FBXO38: variants seen among roughly 807,000 people sequenced by gnomAD.
FBXO38 encodes the protein F-box only protein 38.
A neutral mutation model predicts 131.9 loss-of-function variants in FBXO38; 53 were observed. The observed-to-expected ratio is 0.40, with a 90% CI of 0.32 to 0.51. The LOEUF is 0.51. FBXO38 is among the 20% of genes least tolerant of loss of function. FBXO38 has a pLI of 0.53. For synonymous variants in FBXO38, 452 were observed against 505.6 expected (o/e 0.89, Z 1.42); for missense variants, 1,076 against 1,475.6 (o/e 0.73, Z 4.44).
In FBXO38 at chr5:148,420,640, TTCCCTCA is replaced by T. The variant is rs554526098; in HGVS notation, c.1619-3351_1619-3345del. Among the ~76,000 whole-genome samples the T allele has an allele frequency of 1.8e-4, 28 of 152,318 alleles. No homozygotes were observed. The South Asian group carries it at 4.1e-3, about 23-fold the overall frequency. ...CTTAATGCTTTTAAATACAGCGTCA[TTCCCTCA>T]TCCCTCCACCCCATTAGCCTGAATT... On this transcript the variant is annotated intron_variant, in intron 12 of 21. Coordinates refer to ENST00000340253, the MANE Select transcript of FBXO38 (RefSeq NM_205836.3).
chr5:148,401,246 T>TC (rs550629322), intron 3 of FBXO38, among the ~76,000 whole-genome samples: 56 of 152,282 alleles, frequency 3.7e-4, no homozygotes, highest in Admixed American at 1.1e-3. Flanking sequence ...TCTCCCCACT[T>TC]ACTTAACCAA....
intron 10 of FBXO38, among the ~76,000 whole-genome samples, chr5:148,415,002 G>C (rs1338932843): frequency 6.6e-6 from 1 of 152,068 alleles, no homozygotes; most frequent in East Asian, 1.9e-4. Flanking sequence ...CACTTGACCG[G>C]GATCTGTATC....
At chr5:148,424,231 T>A in intron 13 of FBXO38, 114 bp downstream of exon 13, 1 of 1,018,620 alleles carries the variant, frequency 9.8e-7, no homozygotes, top group African/African-American at 1.6e-5. Context: ...ATGATACGTT[T>A]TATGCTATTG....
chr5:148,433,603 CT>C (rs758644194), intron 16 of FBXO38, 31 bp from the exon 17 acceptor site: 64 of 1,560,062 alleles, frequency 4.1e-5, no homozygotes, highest in Non-Finnish European at 5.0e-5. Flanking sequence ...AAGTTTGTAT[CT>C]TTATATAGTT....
At position 148,413,982 on chromosome 5, in the gene FBXO38, C is replaced by T. The variant is rs1752913205; in HGVS notation, c.1094-154C>T. 8.8e-6 allele frequency: 5 copies of T among 566,420 alleles called. No individual in the cohort carries two copies. In the South Asian group the frequency reaches 1.3e-4, roughly 15 times the overall value. 35.1% of individuals were successfully genotyped at this position (566,420 alleles called of 1,614,324 possible). A position where few individuals can be genotyped will look rare whatever the true frequency, so the allele number is the denominator to read the frequency against. On this transcript the variant is annotated intron_variant, in intron 9 of 21. Coordinates refer to ENST00000340253, the MANE Select transcript of FBXO38 (RefSeq NM_205836.3). The stretch of plus-strand genomic sequence containing the variant: ...AAGTGCTACCATATGTACGGAATAC[C>T]TAACCTAAAATTATACCTGAACCCA...
chr5:148,420,471 G>A (rs1028687932), intron 12 of FBXO38, among the ~76,000 whole-genome samples: 7 of 152,000 alleles, frequency 4.6e-5, no homozygotes, highest in Admixed American at 6.5e-5. Context: ...GCCTATAAGT[G>A]TCACAATTAT....
chr5:148,421,869 C>T (rs1753454615), intron 12 of FBXO38, among the ~76,000 whole-genome samples: 1 of 152,162 alleles, frequency 6.6e-6, no homozygotes, highest in Admixed American at 6.5e-5. Flanking sequence ...AAGGCACCAT[C>T]ATCCGATTTA....
At chr5:148,416,948 A>G in intron 11 of FBXO38, 46 bp from the exon 12 acceptor site, 1 of 1,199,616 alleles carries the variant, frequency 8.3e-7, no homozygotes, top group Non-Finnish European at 1.2e-6. Flanking sequence ...GAAGGGATAT[A>G]TACTAACCCA....
At chr5:148,401,751 T>C (rs1320282591) in intron 3 of FBXO38, among the ~76,000 whole-genome samples, 1 of 152,108 alleles carries the variant, frequency 6.6e-6, no homozygotes, top group Non-Finnish European at 1.5e-5. Flanking sequence ...AAAAAGTCAA[T>C]AATAAAAGCC....
intron 12 of FBXO38, among the ~76,000 whole-genome samples, chr5:148,422,843 A>G (rs532444447): frequency 6.6e-6 from 1 of 152,310 alleles, no homozygotes; most frequent in South Asian, 2.1e-4. Flanking sequence ...TACTGCAAAC[A>G]ATTCTAAGCT....
chr5:148,441,252 A>C lies in FBXO38; in HGVS notation c.3388+15A>C, dbSNP rs1754668528. 1 of 1,571,214 alleles carries C rather than the reference A, an allele frequency of 6.4e-7. No homozygotes were observed. Among genetic ancestry groups the C allele is most frequent in the Non-Finnish European group, 8.8e-7 (1 of 1,141,414 alleles). On this transcript the variant is annotated intron_variant, in intron 21 of 21. Coordinates refer to ENST00000340253, the MANE Select transcript of FBXO38 (RefSeq NM_205836.3). ...CGATGAAGAAAGTAATTATGACCTG[A>C]CTTGACATCTATTCTCTAGTTTAAG...
In FBXO38 at chr5:148,423,956, A is replaced by T. The variant is rs1483322385; in HGVS notation, c.1619-42A>T. 3.2e-6 allele frequency: 5 copies of T among 1,585,200 alleles called. No homozygotes were observed. The African/African-American group carries it at 5.4e-5, about 17-fold the overall frequency. On this transcript the variant is annotated intron_variant, in intron 12 of 21. Transcript: ENST00000340253. Reference sequence around the variant, plus strand: ...GTTTTGCCTGCCATTGTAGTTCTTTATACTTCTTTTGGTTTTTACTTTGTG... The same window carrying T: ...GTTTTGCCTGCCATTGTAGTTCTTTTTACTTCTTTTGGTTTTTACTTTGTG...
intron 17 of FBXO38, chr5:148,434,444 A>T (rs1754228132): frequency 6.6e-6 from 1 of 152,196 alleles, no homozygotes; most frequent in Non-Finnish European, 1.5e-5. Context: ...TCCATGTAAA[A>T]TTATGAAGAT....
intron 17 of FBXO38, among the ~76,000 whole-genome samples, chr5:148,437,904 T>C (rs1754439785): frequency 6.6e-6 from 1 of 152,154 alleles, no homozygotes; most frequent in Admixed American, 6.5e-5. Flanking sequence ...GGGTCTTTTT[T>C]TTCAAGGTTC....
At chr5:148,423,107 C>G (rs556464632) in intron 12 of FBXO38, among the ~76,000 whole-genome samples, 1 of 152,302 alleles carries the variant, frequency 6.6e-6, no homozygotes, top group African/African-American at 2.4e-5. Context: ...TGTTTCTTGT[C>G]TGTGTTCCCT....
Position 148,414,265 on chromosome 5 carries a change from A to G in FBXO38, c.1223A>G (p.Tyr408Cys). The G allele has an allele frequency of 6.2e-7, 1 of 1,605,956 alleles. No individual in the cohort carries two copies. The change falls in exon 10 of 22, where the codon TAC becomes TGC. Residue 408 changes from tyrosine to cysteine, a missense_variant. Coordinates refer to ENST00000340253, the MANE Select transcript of FBXO38 (RefSeq NM_205836.3). Reference sequence around the variant, plus strand: ...TCCTGTATCAAATATCTGGCAATTTACAATTGCCCTCATCTACACAACCCA... The same window carrying G: ...TCCTGTATCAAATATCTGGCAATTTGCAATTGCCCTCATCTACACAACCCA... The part of the protein sequence containing the change: ...VFSCIKYLAI[Y>C]NCPHLHNPYN...
At chr5:148,419,340 A>G (rs1753260598) in intron 12 of FBXO38, among the ~76,000 whole-genome samples, 1 of 151,728 alleles carries the variant, frequency 6.6e-6, no homozygotes, top group Admixed American at 6.6e-5. Flanking sequence ...AAACATGTAT[A>G]CACACACACA....
chr5:148,410,980 TTACTAACAA>T, intron 9 of FBXO38: 1 of 480,774 alleles, frequency 2.1e-6, no homozygotes, highest in Non-Finnish European at 3.6e-6. Flanking sequence ...GAAAATATAG[TTACTAACAA>T]TACACCAGAA....
chr5:148,418,999 A>T (rs1226504421), intron 12 of FBXO38, among the ~76,000 whole-genome samples: 2 of 152,246 alleles, frequency 1.3e-5, no homozygotes, highest in African/African-American at 4.8e-5. Flanking sequence ...AACCAAATAC[A>T]CAAGACATAG....
Sources: allele counts gnomAD v4.1 joint callset (sites outside exome capture counted in the v4.1 genomes callset), GRCh38; gene constraint gnomAD v4.1.1; transcripts MANE v1.5; gene names NCBI Gene and HGNC (gene_info 2026-07-23, HGNC 2026-07-21).